USP6NL: variants seen among roughly 807,000 people sequenced by gnomAD.
USP6NL encodes USP6 N-terminal like.
USP6NL carries 26 observed loss-of-function variants against 61.9 expected under a neutral mutation model. The ratio of observed to expected loss-of-function variants is 0.42; its 90% confidence interval spans 0.31 to 0.58. USP6NL has a LOEUF of 0.58. Among genes scored for constraint, USP6NL ranks in the 20% least tolerant of loss-of-function variants. The pLI, the probability that USP6NL is intolerant of heterozygous loss-of-function variation, is 0.16. For synonymous variants in USP6NL, 432 were observed against 390.1 expected (o/e 1.11, Z -1.27); for missense variants, 1,114 against 1,034.3 (o/e 1.08, Z -1.06).
chr10:11,567,781 CTG>C (rs1837217996), intron 2 of USP6NL, among the ~76,000 whole-genome samples: 1 of 152,208 alleles, frequency 6.6e-6, no homozygotes, highest in Non-Finnish European at 1.5e-5. Flanking sequence ...GTGGCAGGCA[CTG>C]TGTGAGTCCC....
intron 2 of USP6NL, chr10:11,565,535 G>A (rs965980741): frequency 6.6e-5 from 10 of 152,326 alleles, no homozygotes; most frequent in African/African-American, 2.2e-4. Flanking sequence ...CCAGCTACTT[G>A]GGAGGCTGAG....
rs766118122 is a variant in USP6NL at position 11,463,320 on chromosome 10, G to A, written c.1608C>T (p.Ala536=). ...RVSNVRPKMK[A]LDAEDGKRGS... ...CCCGCTTCCCGTCCTCAGCATCCAG[G>A]GCCTTCATCTTTGGCCGCACGTTTG... Residue 536 remains alanine (A), a synonymous_variant, in exon 15 of 15, where the codon GCC becomes GCT. Transcript: ENST00000609104. The surrounding 1 kb of genome is among the most constrained non-coding windows in gnomAD (Gnocchi z 6.3). 1 of 1,613,866 alleles carries A rather than the reference G, an allele frequency of 6.2e-7. No homozygotes were observed. Among genetic ancestry groups the A allele is most frequent in the Admixed American group, 1.7e-5 (1 of 60,014 alleles).
chr10:11,490,749 G>C lies in USP6NL; in HGVS notation c.543+83C>G. 1 of 1,371,288 alleles carries C rather than the reference G, an allele frequency of 7.3e-7. No individual in the cohort carries two copies. Among genetic ancestry groups the C allele is most frequent in the Non-Finnish European group, 1.0e-6 (1 of 1,004,290 alleles). The allele number at this position is 1,371,288 out of a possible 1,614,324, so 84.9% of individuals were successfully genotyped here. On this transcript the variant is annotated intron_variant, in intron 9 of 14. Coordinates refer to ENST00000609104, the MANE Select transcript of USP6NL (RefSeq NM_014688.5). The surrounding 1 kb of genome is among the most constrained non-coding windows in gnomAD (Gnocchi z 4.5). The stretch of plus-strand genomic sequence containing the variant: ...GGAGACCACCTAGCTCTGAGATGCA[G>C]AAATGTGCCCACAGGGCCCTGCTAA...
rs1337214910 is a variant in USP6NL at position 11,513,635 on chromosome 10, T to C, written c.196-3960A>G. 1.3e-5 allele frequency among the ~76,000 whole-genome samples: 2 copies of C among 152,214 alleles called. No homozygotes were observed. Among genetic ancestry groups the C allele is most frequent in the Non-Finnish European group, 2.9e-5 (2 of 68,026 alleles). ...AACTGATCATTAGACAATCACGACA[T>C]GAATAGTTCATCCCTAAATATTTCA... On this transcript the variant is annotated intron_variant, in intron 5 of 14. Coordinates refer to ENST00000609104, the MANE Select transcript of USP6NL (RefSeq NM_014688.5). This position sits in a 1 kb window ranked among gnomAD's most constrained non-coding sequence, Gnocchi z 4.7.
intron 5 of USP6NL, among the ~76,000 whole-genome samples, chr10:11,517,479 A>C (rs1486826859): frequency 6.6e-6 from 1 of 152,224 alleles, no homozygotes; most frequent in African/African-American, 2.4e-5. Flanking sequence ...GGCAGAAACT[A>C]TGTCTTATTT....
At chr10:11,544,541 G>A (rs1405654939) in intron 2 of USP6NL, among the ~76,000 whole-genome samples, 1 of 151,994 alleles carries the variant, frequency 6.6e-6, no homozygotes, top group East Asian at 1.9e-4. Flanking sequence ...AGGCTGGAGT[G>A]CAGTTGCACG....
intron 7 of USP6NL, among the ~76,000 whole-genome samples, chr10:11,500,547 C>A (rs1014027429): frequency 6.6e-6 from 1 of 151,942 alleles, no homozygotes; most frequent in African/African-American, 2.4e-5. Context: ...ATTTAAAGCA[C>A]CTAATTTAAG....
chr10:11,493,555 T>C (rs932440629), intron 7 of USP6NL, among the ~76,000 whole-genome samples: 2 of 152,246 alleles, frequency 1.3e-5, no homozygotes, highest in African/African-American at 4.8e-5. Flanking sequence ...GGCTGAGCCA[T>C]GCAGTCTGTT....
chr10:11,535,869 C>T (rs1835812659), intron 2 of USP6NL, among the ~76,000 whole-genome samples: 1 of 152,060 alleles, frequency 6.6e-6, no homozygotes, highest in African/African-American at 2.4e-5. Flanking sequence ...CACTGTACCA[C>T]AGATTAAGAT....
At chr10:11,492,823 TAC>T (rs1833758594) in intron 8 of USP6NL, among the ~76,000 whole-genome samples, 1 of 152,250 alleles carries the variant, frequency 6.6e-6, no homozygotes, top group Non-Finnish European at 1.5e-5. Context: ...ACAAAGTTTT[TAC>T]ACACACTGTC....
intron 2 of USP6NL, among the ~76,000 whole-genome samples, chr10:11,546,897 T>G (rs1722150224): frequency 6.6e-6 from 1 of 152,228 alleles, no homozygotes; most frequent in African/African-American, 2.4e-5. Flanking sequence ...GAAACAACTT[T>G]TCTAACAAAT....
rs1833677484 is a variant in USP6NL, at chr10:11,490,675, TTATCAC to T, written c.543+151_543+156del. On this transcript the variant is annotated intron_variant, in intron 9 of 14. Transcript: ENST00000609104. The surrounding 1 kb of genome is among the most constrained non-coding windows in gnomAD (Gnocchi z 4.5). ...TCAGCTCTGTTCTAAGGCCCTAGGG[TTATCAC>T]AGGGTTTCAGCTTAAAAAGATCCAC... Among the ~76,000 whole-genome samples the T allele has an allele frequency of 6.6e-6, 1 of 152,120 alleles. No individual in the cohort carries two copies. The highest frequency in any genetic ancestry group is 1.5e-5 in the Non-Finnish European group (1 of 68,020).
At chr10:11,552,926 A>G (rs561038520) in intron 2 of USP6NL, among the ~76,000 whole-genome samples, 7 of 152,148 alleles carry the variant, frequency 4.6e-5, no homozygotes, top group African/African-American at 1.2e-4. Context: ...CATTACCCCA[A>G]TAAAGAATAA....
At position 11,499,145 on chromosome 10, in the gene USP6NL, A is replaced by C. The variant is rs756728103; in HGVS notation, c.384+1956T>G. Among the ~76,000 whole-genome samples, 1 of 152,190 alleles carries C rather than the reference A, an allele frequency of 6.6e-6. No individual in the cohort carries two copies. The highest frequency in any genetic ancestry group is 1.5e-5 in the Non-Finnish European group (1 of 68,030). ...AAGAGAAGGTTGTAGTTTTAGTCCT[A>C]CTGAAGTTCCAGTTCGTGGAGGATG... On this transcript the variant is annotated intron_variant, in intron 7 of 14. Coordinates refer to ENST00000609104, the MANE Select transcript of USP6NL (RefSeq NM_014688.5). The surrounding 1 kb of genome is among the most constrained non-coding windows in gnomAD (Gnocchi z 4.5).
Position 11,463,744 on chromosome 10 carries a change from G to A in USP6NL, c.1184C>T (p.Pro395Leu), listed in dbSNP as rs113611342. 35,063 of 1,596,930 alleles carry A rather than the reference G, an allele frequency of 0.022. 459 individuals carry two copies. The highest frequency in any genetic ancestry group is 0.026 in the Non-Finnish European group (30,699 of 1,170,572). ...LSNGQRSVGRPSPLASGRRES... is the reference protein window; with the variant it reads ...LSNGQRSVGRLSPLASGRRES... Reference sequence around the variant, plus strand: ...CCTCCTGCCGCTGGCCAGCGGGCTCGGCCGGCCCACGCTCCTCTGTCCGTT... The same window carrying A: ...CCTCCTGCCGCTGGCCAGCGGGCTCAGCCGGCCCACGCTCCTCTGTCCGTT... The change falls in exon 15 of 15, where the codon CCG becomes CTG. Residue 395 changes from proline to leucine, a missense_variant. Pro to Leu is a moderately conservative substitution (Grantham distance 98). Transcript: ENST00000609104. The surrounding 1 kb of genome is among the most constrained non-coding windows in gnomAD (Gnocchi z 6.3).
chr10:11,525,350 A>T lies in USP6NL; in HGVS notation c.155+36T>A. On this transcript the variant is annotated intron_variant, in intron 4 of 14. Coordinates refer to ENST00000609104, the MANE Select transcript of USP6NL (RefSeq NM_014688.5). This position sits in a 1 kb window ranked among gnomAD's most constrained non-coding sequence, Gnocchi z 5.0. ...TAATAGGTGACCACAGAAACGTTAT[A>T]ATCTAAAAAGCAAGCTTTCAATCTA... 6.6e-7 allele frequency: 1 copy of T among 1,525,472 alleles called. No homozygotes were observed. Among genetic ancestry groups the T allele is most frequent in the Non-Finnish European group, 8.9e-7 (1 of 1,125,192 alleles). The allele number at this position is 1,525,472 out of a possible 1,614,324, so 94.5% of individuals were successfully genotyped here.
chr10:11,545,349 A>G (rs1452325745), intron 2 of USP6NL, among the ~76,000 whole-genome samples: 2 of 152,166 alleles, frequency 1.3e-5, no homozygotes, highest in East Asian at 1.9e-4. Context: ...AAAGTAATCC[A>G]AAGAGCTAAT....
At position 11,532,183 on chromosome 10, in the gene USP6NL, G is replaced by C; in HGVS notation, c.5-4616C>G. ...CAATTTTAAAAGTACTTTACCCTTT[G>C]TGAGATAATCAGTCTGGCCTTGGGA... On this transcript the variant is annotated intron_variant, in intron 2 of 14. Coordinates refer to ENST00000609104, the MANE Select transcript of USP6NL (RefSeq NM_014688.5). The surrounding 1 kb of genome is among the most constrained non-coding windows in gnomAD (Gnocchi z 4.1). 1.3e-6 allele frequency: 2 copies of C among 1,593,734 alleles called. No homozygotes were observed. Among genetic ancestry groups the C allele is most frequent in the Non-Finnish European group, 1.7e-6 (2 of 1,166,880 alleles).
In USP6NL at chr10:11,460,965, A is replaced by C. The variant is rs1258171363; in HGVS notation, c.*1476T>G. 1 of 152,192 alleles carries C rather than the reference A, an allele frequency of 6.6e-6. No homozygotes were observed. The highest frequency in any genetic ancestry group is 1.5e-5 in the Non-Finnish European group (1 of 68,036). The allele number at this position is 152,192 out of a possible 1,614,324, so 9.4% of individuals were successfully genotyped here. A position where few individuals can be genotyped will look rare whatever the true frequency, so the allele number is the denominator to read the frequency against. On this transcript the variant is annotated 3_prime_UTR_variant, in exon 15 of 15. Coordinates refer to ENST00000609104, the MANE Select transcript of USP6NL (RefSeq NM_014688.5). ...AGTTGATCAAAATTACATTAGACTC[A>C]TTATATACATAAAATATATTGTCAC... is the stretch of plus-strand genomic sequence containing the variant.
Sources: allele counts gnomAD v4.1 joint callset (sites outside exome capture counted in the v4.1 genomes callset), GRCh38; gene constraint gnomAD v4.1.1; non-coding constraint Gnocchi (gnomAD v3.1); transcripts MANE v1.5; gene names NCBI Gene and HGNC (gene_info 2026-07-23, HGNC 2026-07-21).